RIN2: variants seen among roughly 807,000 people sequenced by gnomAD.
The protein encoded by RIN2 is Ras and Rab interactor 2.
In RIN2, 36 loss-of-function variants were observed where a neutral mutation model predicts 78.0. The observed-to-expected ratio is 0.46, with a 90% CI of 0.35 to 0.61. RIN2 has a LOEUF of 0.61. Among genes scored for constraint, RIN2 ranks in the 20% least tolerant of loss-of-function variants. RIN2 has a pLI of 0.00. For synonymous variants in RIN2, 466 were observed against 466.8 expected (o/e 1.00, Z 0.02); for missense variants, 1,087 against 1,159.7 (o/e 0.94, Z 0.91).
At chr20:19,889,061 A>G (rs1482172016) in intron 2 of RIN2, 7 of 910,410 alleles carry the variant, frequency 7.7e-6, no homozygotes, top group Non-Finnish European at 5.2e-6. Flanking sequence ...TTTCTAAGGG[A>G]AAAATAGAGC....
Position 19,919,680 on chromosome 20 carries a change from C to T in RIN2, c.58-15419C>T, listed in dbSNP as rs554088560. 3.3e-5 allele frequency among the ~76,000 whole-genome samples: 5 copies of T among 152,080 alleles called. No individual in the cohort carries two copies. In the South Asian group the frequency reaches 1.0e-3, roughly 32 times the overall value. ...AATTAGCCAGGCGTGGTGGCATACA[C>T]CTGTAATCCTAGCTACTTGGGAGGT... is the stretch of plus-strand genomic sequence containing the variant. On this transcript the variant is annotated intron_variant, in intron 3 of 12. Transcript: ENST00000255006.
intron 3 of RIN2, among the ~76,000 whole-genome samples, chr20:19,917,065 T>G (rs1331686441): frequency 1.3e-5 from 2 of 151,680 alleles, no homozygotes; most frequent in Non-Finnish European, 2.9e-5. Context: ...CCATTCCAAT[T>G]GAAGTCAGCC....
In RIN2 at chr20:19,817,522, A is replaced by C. The variant is rs551253315; in HGVS notation, c.-37+17775A>C. 1.4e-4 allele frequency among the ~76,000 whole-genome samples: 22 copies of C among 152,304 alleles called. No individual in the cohort carries two copies. In the South Asian group the frequency reaches 4.4e-3, roughly 30 times the overall value. ...ATGTATAAATTTGGGGGCGGGGGGC[A>C]CAAACATTTAGATTATAGCACCAAC... On this transcript the variant is annotated intron_variant, in intron 2 of 12. Coordinates refer to ENST00000255006, the MANE Select transcript of RIN2 (RefSeq NM_018993.4).
intron 11 of RIN2, among the ~76,000 whole-genome samples, chr20:19,994,001 A>G (rs1337783994): frequency 1.3e-5 from 2 of 152,256 alleles, no homozygotes; most frequent in African/African-American, 2.4e-5. Flanking sequence ...TTGTGGCTCA[A>G]GGATAGAAAC....
intron 3 of RIN2, among the ~76,000 whole-genome samples, chr20:19,902,348 C>T (rs11699737): frequency 0.36 from 55,073 of 151,958 alleles, 9,930 homozygotes; most frequent in Admixed American, 0.39. Context: ...CCACCACCTT[C>T]CATGGAGTGC....
At chr20:19,959,389 A>AC (rs1358575304) in intron 5 of RIN2, among the ~76,000 whole-genome samples, 1 of 151,774 alleles carries the variant, frequency 6.6e-6, no homozygotes, top group African/African-American at 2.4e-5. Context: ...TTGGCCTCTT[A>AC]CCCCCCTGGA....
chr20:19,889,574 G>C lies in RIN2; in HGVS notation c.-28G>C. On this transcript the variant is annotated 5_prime_UTR_variant, in exon 3 of 13. Transcript: ENST00000255006. ...AATGTCTCTACCTTCAGGAGTCCCCGGCGTGCAGTGGAGCCTCGCTGGGGG... is the reference window on the plus strand; with the variant it reads ...AATGTCTCTACCTTCAGGAGTCCCCCGCGTGCAGTGGAGCCTCGCTGGGGG... 6.5e-7 allele frequency: 1 copy of C among 1,548,692 alleles called. No homozygotes were observed. Among genetic ancestry groups the C allele is most frequent in the Non-Finnish European group, 8.7e-7 (1 of 1,145,234 alleles).
chr20:19,854,954 G>C (rs1321276395), intron 2 of RIN2, among the ~76,000 whole-genome samples: 5 of 152,266 alleles, frequency 3.3e-5, no homozygotes, highest in East Asian at 3.9e-4. Flanking sequence ...TCCCTGTCTT[G>C]TGCCAGTTTT....
chr20:19,861,684 G>A (rs116773229), intron 2 of RIN2, among the ~76,000 whole-genome samples: 4,056 of 127,342 alleles, frequency 0.032, 158 homozygotes, highest in African/African-American at 0.12. Context: ...ATGACCCTCC[G>A]TATCTGATCA....
At chr20:19,869,827 T>TTGATTGATTG (rs1568558764) in intron 2 of RIN2, among the ~76,000 whole-genome samples, 12 of 150,406 alleles carry the variant, frequency 8.0e-5, no homozygotes, top group African/African-American at 3.0e-4. Context: ...TTTATTTATT[T>TTGATTGATTG]ATTTATTGTA....
intron 2 of RIN2, among the ~76,000 whole-genome samples, chr20:19,872,965 A>G (rs2123378722): frequency 6.6e-6 from 1 of 152,276 alleles, no homozygotes; most frequent in South Asian, 2.1e-4. Context: ...TAAATTAATT[A>G]AATGTTTTAA....
chr20:19,993,288 C>G (rs1436819176), intron 11 of RIN2, among the ~76,000 whole-genome samples: 2 of 151,638 alleles, frequency 1.3e-5, no homozygotes, highest in South Asian at 2.1e-4. Context: ...TTTTTTTTCC[C>G]GTGAGTTTCA....
At chr20:19,844,063 A>G (rs530623899) in intron 2 of RIN2, among the ~76,000 whole-genome samples, 3 of 152,340 alleles carry the variant, frequency 2.0e-5, no homozygotes, top group South Asian at 4.1e-4. Context: ...ATGGTAAATC[A>G]TATTGAAATC....
intron 9 of RIN2, among the ~76,000 whole-genome samples, chr20:19,988,909 A>G (rs1016516997): frequency 5.3e-5 from 8 of 151,940 alleles, no homozygotes; most frequent in Admixed American, 3.3e-4. Flanking sequence ...CTTCACACAC[A>G]CACACACACA....
intron 9 of RIN2, among the ~76,000 whole-genome samples, chr20:19,985,084 TTCA>T: frequency 6.6e-6 from 1 of 152,212 alleles, no homozygotes; most frequent in Non-Finnish European, 1.5e-5. Context: ...TTCTCCAGTC[TTCA>T]GCTTTGCCTC....
At chr20:19,905,521 G>A (rs181010673) in intron 3 of RIN2, among the ~76,000 whole-genome samples, 18 of 152,174 alleles carry the variant, frequency 1.2e-4, no homozygotes, top group African/African-American at 3.6e-4. Flanking sequence ...CCAGGAGTTC[G>A]AGACCAGCCT....
rs543511663 is a variant in RIN2, at chr20:19,823,321, A to C, written c.-37+23574A>C. 4 of 593,778 alleles carry C rather than the reference A, an allele frequency of 6.7e-6. No homozygotes were observed. The South Asian group carries it at 8.3e-5, about 12-fold the overall frequency. 36.8% of individuals were successfully genotyped at this position (593,778 alleles called of 1,614,324 possible). On this transcript the variant is annotated intron_variant, in intron 2 of 12. Transcript: ENST00000255006. ...GGGGACTGAATGAAGTTCTCATCTT[A>C]CTCTTTCGTGGCTGTTTGTCATTCT...
chr20:19,941,083 C>T (rs1048532822), intron 4 of RIN2, among the ~76,000 whole-genome samples: 2 of 152,226 alleles, frequency 1.3e-5, no homozygotes, highest in Non-Finnish European at 2.9e-5. Flanking sequence ...CCCATGTCTT[C>T]ACTCCTCCTG....
chr20:19,841,546 G>C (rs1568803639), intron 2 of RIN2, among the ~76,000 whole-genome samples: 1 of 152,082 alleles, frequency 6.6e-6, no homozygotes, highest in Non-Finnish European at 1.5e-5. Flanking sequence ...GATGATCCAG[G>C]CATCCACACT....
Sources: allele counts gnomAD v4.1 joint callset (sites outside exome capture counted in the v4.1 genomes callset), GRCh38; gene constraint gnomAD v4.1.1; transcripts MANE v1.5; gene names NCBI Gene and HGNC (gene_info 2026-07-23, HGNC 2026-07-21).